HOMER1: variants seen among roughly 807,000 people sequenced by gnomAD.
HOMER1 encodes the protein homer scaffold protein 1, also known as homer protein homolog 1.
Under a neutral mutation model 48.9 loss-of-function variants are expected in HOMER1, and 3 were observed. The ratio of observed to expected loss-of-function variants is 0.06; its 90% CI spans 0.03 to 0.16. HOMER1 has a LOEUF of 0.16. Among genes scored for constraint, HOMER1 ranks in the 10% least tolerant of loss-of-function variants. HOMER1 has a pLI of 1.00. For missense variants in HOMER1, 247 were observed against 411.4 expected, an observed-to-expected ratio of 0.60 and a Z score of 3.46; for synonymous variants, 134 against 146.4, an observed-to-expected ratio of 0.92 and a Z score of 0.61.
At chr5:79,457,152 A>G in intron 1 of HOMER1, 134 bp from the exon 2 acceptor site, 1 of 788,562 alleles carries the variant, frequency 1.3e-6, no homozygotes, top group Non-Finnish European at 2.1e-6. Context: ...AGAAACTTTC[A>G]AATTTGCATA....
At position 79,379,213 on chromosome 5, in the gene HOMER1, T is replaced by A. The variant is rs1468253078; in HGVS notation, c.877-3016A>T. Among the ~76,000 whole-genome samples, 42 of 107,172 alleles carry A rather than the reference T, an allele frequency of 3.9e-4. 1 individual carries two copies. Among genetic ancestry groups the A allele is most frequent in the South Asian group, 2.3e-3 (9 of 3,866 alleles). 70.3% of individuals were successfully genotyped at this position (107,172 alleles called of 152,430 possible). A position where few individuals can be genotyped will look rare whatever the true frequency, so the allele number is the denominator to read the frequency against. On this transcript the variant is annotated intron_variant, in intron 8 of 8. Coordinates refer to ENST00000334082, the MANE Select transcript of HOMER1 (RefSeq NM_004272.5). ...TATCTATAATATATATTATATATATTTTTATATATCTATAATATATATTAT... is the reference window on the plus strand; with the variant it reads ...TATCTATAATATATATTATATATATATTTATATATCTATAATATATATTAT...
At chr5:79,400,740 TTC>T (rs202123464) in intron 6 of HOMER1, among the ~76,000 whole-genome samples, 39 of 142,528 alleles carry the variant, frequency 2.7e-4, no homozygotes, top group Non-Finnish European at 3.8e-4. Context: ...AAAAAACTTC[TTC>T]TTTTTTTTTT....
chr5:79,388,539 A>G lies in HOMER1; in HGVS notation c.876+8284T>C, dbSNP rs138801010. ...TGAATCAGAAGAAAACTCTAACTCA[A>G]TATTCCACTCTGAACTAAATATTCT... is the stretch of plus-strand genomic sequence containing the variant. On this transcript the variant is annotated intron_variant, in intron 8 of 8. Transcript: ENST00000334082. Among the ~76,000 whole-genome samples the G allele has an allele frequency of 5.1e-3, 778 of 152,280 alleles. 3 individuals are homozygous for G. The highest frequency in any genetic ancestry group is 0.018 in the African/African-American group (744 of 41,576).
At chr5:79,509,810 C>T (rs1752884894) in intron 1 of HOMER1, among the ~76,000 whole-genome samples, 1 of 152,112 alleles carries the variant, frequency 6.6e-6, no homozygotes, top group South Asian at 2.1e-4. Flanking sequence ...GCTTAGACTG[C>T]CCCTAGACTT....
rs183161560 is a variant in HOMER1 at position 79,477,338 on chromosome 5, T to C, written c.6-20320A>G. ...TATTATTATACCTTTTAAATTTAAG[T>C]GTCTTTAAGCTCATTGTTCAGATTT... On this transcript the variant is annotated intron_variant, in intron 1 of 8. Coordinates refer to ENST00000334082, the MANE Select transcript of HOMER1 (RefSeq NM_004272.5). Among the ~76,000 whole-genome samples the C allele has an allele frequency of 3.2e-3, 486 of 152,362 alleles. 2 individuals carry two copies. The highest frequency in any genetic ancestry group is 6.8e-3 in the Middle Eastern group (2 of 294).
Position 79,373,558 on chromosome 5 carries a change from A to G in HOMER1, c.*2451T>C, listed in dbSNP as rs1748687186. 6.6e-6 allele frequency: 1 copy of G among 151,912 alleles called. No homozygotes were observed. Among genetic ancestry groups the G allele is most frequent in the Non-Finnish European group, 1.5e-5 (1 of 67,886 alleles). The allele number at this position is 151,912 out of a possible 1,614,324, so 9.4% of individuals were successfully genotyped here. On this transcript the variant is annotated 3_prime_UTR_variant, in exon 9 of 9. Transcript: ENST00000334082. ...ATAATACAGAAATGGAAAAAACTAC[A>G]GTAGGCACACAACCTAATTATGACT...
intron 8 of HOMER1, among the ~76,000 whole-genome samples, chr5:79,383,579 T>A (rs900808167): frequency 8.6e-5 from 13 of 151,756 alleles, no homozygotes; most frequent in Admixed American, 3.9e-4. Context: ...AGAGACAGAG[T>A]TTCACCATGT....
Position 79,379,079 on chromosome 5 carries a change from CAT to C in HOMER1, c.877-2884_877-2883del, listed in dbSNP as rs3082000. Among the ~76,000 whole-genome samples the C allele has an allele frequency of 6.7e-3, 371 of 55,184 alleles. 12 individuals are homozygous for C. Among genetic ancestry groups the C allele is most frequent in the Middle Eastern group, 0.012 (1 of 82 alleles). 36.2% of individuals were successfully genotyped at this position (55,184 alleles called of 152,430 possible). A position where few individuals can be genotyped will look rare whatever the true frequency, so the allele number is the denominator to read the frequency against. ...ACTTCTTAGGTGTCTACCTTTTGTC[CAT>C]ATATATATATATATATATATATATA... is the stretch of plus-strand genomic sequence containing the variant. On this transcript the variant is annotated intron_variant, in intron 8 of 8. Coordinates refer to ENST00000334082, the MANE Select transcript of HOMER1 (RefSeq NM_004272.5).
chr5:79,477,495 T>A (rs763896704), intron 1 of HOMER1, among the ~76,000 whole-genome samples: 4 of 152,242 alleles, frequency 2.6e-5, no homozygotes, highest in African/African-American at 9.6e-5. Context: ...TATGAGGCCA[T>A]TGGATATGGA....
At chr5:79,487,853 T>C (rs1561383601) in intron 1 of HOMER1, among the ~76,000 whole-genome samples, 1 of 152,192 alleles carries the variant, frequency 6.6e-6, no homozygotes, top group Non-Finnish European at 1.5e-5. Flanking sequence ...TAATACACAG[T>C]CATATATTTA....
chr5:79,437,927 G>A (rs1054873816), intron 5 of HOMER1, among the ~76,000 whole-genome samples: 8 of 152,138 alleles, frequency 5.3e-5, no homozygotes, highest in Non-Finnish European at 1.2e-4. Context: ...AAAGTGCTGG[G>A]ATTACAGGCA....
chr5:79,450,372 GGCTTTT>G (rs2112292549), intron 3 of HOMER1, among the ~76,000 whole-genome samples: 1 of 152,224 alleles, frequency 6.6e-6, no homozygotes, highest in African/African-American at 2.4e-5. Context: ...AACATTACAT[GGCTTTT>G]GCTTATTGAC....
chr5:79,433,797 G>T (rs1750490961), intron 5 of HOMER1, among the ~76,000 whole-genome samples: 1 of 152,072 alleles, frequency 6.6e-6, no homozygotes, highest in Admixed American at 6.5e-5. Context: ...AATACAGATG[G>T]AGTAAACCCA....
At chr5:79,462,235 C>T (rs1253317325) in intron 1 of HOMER1, among the ~76,000 whole-genome samples, 1 of 152,106 alleles carries the variant, frequency 6.6e-6, no homozygotes, top group African/African-American at 2.4e-5. Flanking sequence ...CCAGAAAACA[C>T]ACACACTTTA....
chr5:79,492,907 CTTTTT>C lies in HOMER1; in HGVS notation c.5+19858_5+19862del, dbSNP rs558428061. Among the ~76,000 whole-genome samples the C allele has an allele frequency of 5.0e-3, 419 of 84,022 alleles. 6 individuals carry two copies. Among genetic ancestry groups the C allele is most frequent in the African/African-American group, 0.017 (402 of 23,766 alleles). The allele number at this position is 84,022 out of a possible 152,430, so 55.1% of individuals were successfully genotyped here. ...AGAATGAAGAAAACGAAAACTTTGT[CTTTTT>C]TTTTTTTTTTTTTTTTTTTTTTTAA... On this transcript the variant is annotated intron_variant, in intron 1 of 8. Coordinates refer to ENST00000334082, the MANE Select transcript of HOMER1 (RefSeq NM_004272.5).
chr5:79,431,400 T>C (rs1029017986), intron 5 of HOMER1, among the ~76,000 whole-genome samples: 5 of 152,160 alleles, frequency 3.3e-5, no homozygotes, highest in African/African-American at 4.8e-5. Flanking sequence ...ATACGCAACG[T>C]TCAGAATAGG....
chr5:79,445,581 T>C (rs554134986), intron 4 of HOMER1, among the ~76,000 whole-genome samples: 1 of 150,352 alleles, frequency 6.7e-6, no homozygotes, highest in East Asian at 1.9e-4. Flanking sequence ...GTCTCAGTGC[T>C]AAGCATAAAG....
In HOMER1 at chr5:79,397,537, A is replaced by G. The variant is rs761330870; in HGVS notation, c.785T>C (p.Leu262Pro). The change falls in exon 7 of 9, where the codon CTG becomes CCG. Residue 262 changes from leucine (L) to proline (P), a missense_variant. Transcript: ENST00000334082. ...TIQELEETLK[L>P]KEEEIERLKQ... ...AAAAGCAGCAAATACCTCTTCCTTC[A>G]GTTTCAGTGTCTCTTCCAGTTCTTG... 6.3e-7 allele frequency: 1 copy of G among 1,579,472 alleles called. No individual in the cohort carries two copies.
At chr5:79,386,341 G>A (rs1749109129) in intron 8 of HOMER1, among the ~76,000 whole-genome samples, 1 of 152,204 alleles carries the variant, frequency 6.6e-6, no homozygotes, top group Non-Finnish European at 1.5e-5. Flanking sequence ...AGGTCATCAT[G>A]TTAAGTGAAC....
Sources: gnomAD v4.1 joint callset for allele counts (sites outside exome capture counted in the v4.1 genomes callset) on GRCh38, gnomAD v4.1.1 for gene constraint, MANE v1.5 for transcripts, NCBI Gene and HGNC (gene_info 2026-07-23, HGNC 2026-07-21) for gene names.